GRM4: variants seen among roughly 807,000 people sequenced by gnomAD.
GRM4 encodes the protein metabotropic glutamate receptor 4.
Under a neutral mutation model 81.7 loss-of-function variants are expected in GRM4, and 28 were observed. The ratio of observed to expected loss-of-function variants is 0.34; its 90% CI spans 0.25 to 0.47. The LOEUF is 0.47. GRM4 is among the 20% of genes least tolerant of loss of function. The probability of loss-of-function intolerance (pLI) is 1.00; values close to 1 mark genes in which losing one functional copy is unlikely to be tolerated. For missense variants in GRM4, 948 were observed against 1,290.0 expected (o/e 0.73, Z 4.06); for synonymous variants, 488 against 528.8 (o/e 0.92, Z 1.06).
rs1262421954 is a variant in GRM4, at chr6:34,115,655, G to A, written c.519+17323C>T. On this transcript the variant is annotated intron_variant, in intron 2 of 10. Coordinates refer to ENST00000538487, the MANE Select transcript of GRM4 (RefSeq NM_000841.4). This position sits in a 1 kb window ranked among gnomAD's most constrained non-coding sequence, Gnocchi z 4.1. ...CTTTCTAGCTTCCCAAAGGGGCCCT[G>A]GGACAAGCCTTGCTGGGTTTTGGGC... is the stretch of plus-strand genomic sequence containing the variant. Among the ~76,000 whole-genome samples, 1 of 152,204 alleles carries A rather than the reference G, an allele frequency of 6.6e-6. No homozygotes were observed. Among genetic ancestry groups the A allele is most frequent in the Non-Finnish European group, 1.5e-5 (1 of 68,028 alleles).
intron 6 of GRM4, chr6:34,056,192 G>A (rs1045645703): frequency 2.8e-5 from 6 of 212,918 alleles, no homozygotes; most frequent in Non-Finnish European, 5.6e-5. Flanking sequence ...GGAGGTTAGA[G>A]GTAGTTTCTG....
intron 6 of GRM4, among the ~76,000 whole-genome samples, chr6:34,051,642 G>T (rs541478524): frequency 8.1e-4 from 123 of 152,256 alleles, no homozygotes; most frequent in Admixed American, 1.7e-3. Context: ...GGAGGGCCTG[G>T]GAGGAAAGGA....
chr6:34,090,427 G>A lies in GRM4; in HGVS notation c.736+1456C>T. 6.6e-6 allele frequency among the ~76,000 whole-genome samples: 1 copy of A among 152,186 alleles called. No individual in the cohort carries two copies. Among genetic ancestry groups the A allele is most frequent in the East Asian group, 1.9e-4 (1 of 5,198 alleles). The stretch of plus-strand genomic sequence containing the variant: ...GCCCAGGTCTTGGGTCTGAGCAAAG[G>A]AGGAAAGGACATGTGGGTGGCCCAA... On this transcript the variant is annotated intron_variant, in intron 3 of 10. Coordinates refer to ENST00000538487, the MANE Select transcript of GRM4 (RefSeq NM_000841.4). The surrounding 1 kb of genome is among the most constrained non-coding windows in gnomAD (Gnocchi z 5.2).
intron 6 of GRM4, chr6:34,055,443 C>T (rs1329098076): frequency 6.6e-6 from 1 of 152,162 alleles, no homozygotes; most frequent in African/African-American, 2.4e-5. Context: ...GCAGCATGCT[C>T]CCCACCCACC....
chr6:34,065,472 C>T (rs1416166097), intron 3 of GRM4, among the ~76,000 whole-genome samples: 4 of 152,216 alleles, frequency 2.6e-5, no homozygotes, highest in African/African-American at 9.6e-5. Flanking sequence ...TATCTCAGGG[C>T]AGAGGCTGGA....
At chr6:34,139,154 G>C (rs2046820) in intron 1 of GRM4, among the ~76,000 whole-genome samples, 147,975 of 152,310 alleles carry the variant, frequency 0.97, 72,018 homozygotes, top group Non-Finnish European at 1. Flanking sequence ...TCCTTCCCCC[G>C]TGAGCTGCTC....
chr6:34,030,489 G>A (rs1345915401), intron 9 of GRM4, among the ~76,000 whole-genome samples: 1 of 152,162 alleles, frequency 6.6e-6, no homozygotes, highest in Non-Finnish European at 1.5e-5. Context: ...CTATGTCGAG[G>A]GCCAGCGTCC....
chr6:34,040,603 C>G lies in GRM4; in HGVS notation c.1314G>C (p.Met438Ile). 2 of 1,614,114 alleles carry G rather than the reference C, an allele frequency of 1.2e-6. No homozygotes were observed. Among genetic ancestry groups the G allele is most frequent in the Non-Finnish European group, 1.7e-6 (2 of 1,179,982 alleles). The change falls in exon 7 of 11, where the codon ATG becomes ATC. Residue 438 changes from methionine (M) to isoleucine (I), a missense_variant. Transcript: ENST00000538487. The stretch of plus-strand genomic sequence containing the variant: ...GCAGCTGGGTGCCATCTACAGGGTC[C>G]ATGCGCGGGCAGAGCCCCACGCGGC... ...CPGRVGLCPR[M>I]DPVDGTQLLK...
rs1418264018 is a variant in GRM4 at position 34,020,924 on chromosome 6, T to G, written c.*1897A>C. ...CTAGGGTTCCTCCAGTCCCTTCCAC[T>G]GTGCTCCATAGCGCTGTCAGCTAGC... On this transcript the variant is annotated 3_prime_UTR_variant, in exon 11 of 11. Transcript: ENST00000538487. The G allele has an allele frequency of 6.6e-6, 1 of 152,360 alleles. No homozygotes were observed. 9.4% of individuals were successfully genotyped at this position (152,360 alleles called of 1,614,324 possible). A position where few individuals can be genotyped will look rare whatever the true frequency, so the allele number is the denominator to read the frequency against.
chr6:34,046,768 A>G (rs905358290), intron 6 of GRM4, among the ~76,000 whole-genome samples: 8 of 152,116 alleles, frequency 5.3e-5, no homozygotes, highest in African/African-American at 1.4e-4. Context: ...CCATGTCTAC[A>G]CCACACACCT....
chr6:34,110,421 C>G (rs1769324283), intron 2 of GRM4, among the ~76,000 whole-genome samples: 3 of 151,764 alleles, frequency 2.0e-5, no homozygotes, highest in Admixed American at 2.0e-4. Context: ...CACTTACCAG[C>G]CCCCCTCCCC....
chr6:34,036,671 G>A lies in GRM4; in HGVS notation c.1507-68C>T, dbSNP rs1206746017. On this transcript the variant is annotated intron_variant, in intron 8 of 10. Coordinates refer to ENST00000538487, the MANE Select transcript of GRM4 (RefSeq NM_000841.4). The surrounding 1 kb of genome is among the most constrained non-coding windows in gnomAD (Gnocchi z 9.0). Reference sequence around the variant, plus strand: ...CCCGGTGCCCCGGACCATCCTACTGGGTGGTGGCACCTTGTAGCCCCACAC... The same window carrying A: ...CCCGGTGCCCCGGACCATCCTACTGAGTGGTGGCACCTTGTAGCCCCACAC... The A allele has an allele frequency of 1.2e-6, 1 of 865,664 alleles. No homozygotes were observed. Among genetic ancestry groups the A allele is most frequent in the Non-Finnish European group, 1.8e-6 (1 of 559,728 alleles). The allele number at this position is 865,664 out of a possible 1,614,324, so 53.6% of individuals were successfully genotyped here. A position where few individuals can be genotyped will look rare whatever the true frequency, so the allele number is the denominator to read the frequency against.
At chr6:34,054,739 C>A (rs910798680) in intron 6 of GRM4, 2 of 152,476 alleles carry the variant, frequency 1.3e-5, no homozygotes, top group Non-Finnish European at 2.9e-5. Flanking sequence ...CTTGCCACCA[C>A]TTCCAGTCTT....
intron 10 of GRM4, among the ~76,000 whole-genome samples, chr6:34,025,079 C>T (rs1764064782): frequency 6.6e-6 from 1 of 152,146 alleles, no homozygotes; most frequent in Admixed American, 6.5e-5. Context: ...GCTGGGAGGC[C>T]TCACACTCTC....
At position 34,036,531 on chromosome 6, in the gene GRM4, C is replaced by T. The variant is rs1422570961; in HGVS notation, c.1579G>A (p.Gly527Ser). 1.2e-6 allele frequency: 2 copies of T among 1,611,234 alleles called. No individual in the cohort carries two copies. Among genetic ancestry groups the T allele is most frequent in the African/African-American group, 1.3e-5 (1 of 74,912 alleles). Residue 527 changes from glycine to serine, a missense_variant, in exon 9 of 11, where the codon GGT (glycine) becomes AGT (serine). Gly to Ser is a moderately conservative substitution (Grantham distance 56). Coordinates refer to ENST00000538487, the MANE Select transcript of GRM4 (RefSeq NM_000841.4). The surrounding 1 kb of genome is among the most constrained non-coding windows in gnomAD (Gnocchi z 9.0). The stretch of plus-strand genomic sequence containing the variant: ...CCCTTCACTGTCTTCTTCCGCTCAC[C>T]CGGTTGGCAGGGCAGGCTGCAGATG... Reference protein sequence around the residue: ...RSICSLPCQPGERKKTVKGMP... With the variant: ...RSICSLPCQPSERKKTVKGMP...
intron 1 of GRM4, among the ~76,000 whole-genome samples, chr6:34,138,634 A>T (rs1009718312): frequency 6.6e-6 from 1 of 152,238 alleles, no homozygotes; most frequent in African/African-American, 2.4e-5. Context: ...ACAGGACAGG[A>T]ATCGGGTTGT....
At chr6:34,102,007 C>T (rs758903955) in intron 2 of GRM4, 2 of 1,535,332 alleles carry the variant, frequency 1.3e-6, no homozygotes, top group Non-Finnish European at 1.7e-6. Flanking sequence ...CAGGGCCTCT[C>T]ACCAGGATCC....
chr6:34,121,138 C>T lies in GRM4; in HGVS notation c.519+11840G>A, dbSNP rs1769796325. ...CGGCGTGGTGAGAGCTGCACACACTCCACTTCCTGCTGAAGTCTCCTCTCA... is the reference window on the plus strand; with the variant it reads ...CGGCGTGGTGAGAGCTGCACACACTTCACTTCCTGCTGAAGTCTCCTCTCA... On this transcript the variant is annotated intron_variant, in intron 2 of 10. Transcript: ENST00000538487. The surrounding 1 kb of genome is among the most constrained non-coding windows in gnomAD (Gnocchi z 4.6). Among the ~76,000 whole-genome samples, 1 of 151,636 alleles carries T rather than the reference C, an allele frequency of 6.6e-6. No homozygotes were observed. Among genetic ancestry groups the T allele is most frequent in the Non-Finnish European group, 1.5e-5 (1 of 67,972 alleles).
rs929735852 is a variant in GRM4, at chr6:34,111,615, G to C, written c.520-19516C>G. Reference sequence around the variant, plus strand: ...CCGGCAGGGGACAGCTTTCTGCAGGGCTGGATCCTGCCCATGGGAGAACCA... The same window carrying C: ...CCGGCAGGGGACAGCTTTCTGCAGGCCTGGATCCTGCCCATGGGAGAACCA... On this transcript the variant is annotated intron_variant, in intron 2 of 10. Coordinates refer to ENST00000538487, the MANE Select transcript of GRM4 (RefSeq NM_000841.4). This position sits in a 1 kb window ranked among gnomAD's most constrained non-coding sequence, Gnocchi z 5.1. Among the ~76,000 whole-genome samples the C allele has an allele frequency of 1.3e-5, 2 of 152,188 alleles. No individual in the cohort carries two copies. Among genetic ancestry groups the C allele is most frequent in the Non-Finnish European group, 1.5e-5 (1 of 68,026 alleles).
Sources: allele counts gnomAD v4.1 joint callset (sites outside exome capture counted in the v4.1 genomes callset), GRCh38; gene constraint gnomAD v4.1.1; non-coding constraint Gnocchi (gnomAD v3.1); transcripts MANE v1.5; gene names NCBI Gene and HGNC (gene_info 2026-07-23, HGNC 2026-07-21).